The following MAGI2 variants were observed in gnomAD, a reference collection of about 807,000 sequenced individuals.
MAGI2 encodes the protein membrane associated guanylate kinase, WW and PDZ domain containing 2.
MAGI2 carries 35 observed loss-of-function variants against 133.3 expected under a neutral mutation model. The ratio of observed to expected loss-of-function variants is 0.26; its 90% CI spans 0.20 to 0.35. The LOEUF is 0.35. Among genes scored for constraint, MAGI2 ranks in the 10% least tolerant of loss-of-function variants. The pLI is 1.00. For synonymous variants in MAGI2, 729 were observed against 710.6 expected, an observed-to-expected ratio of 1.03 and a Z score of -0.41; for missense variants, 1,636 against 1,863.4, an observed-to-expected ratio of 0.88 and a Z score of 2.25.
intron 2 of MAGI2, among the ~76,000 whole-genome samples, chr7:78,862,076 T>C (rs1213359558): frequency 2.6e-5 from 4 of 152,268 alleles, no homozygotes; most frequent in Admixed American, 6.5e-5. Context: ...GTGCCACATA[T>C]ATTACTGTTT....
intron 3 of MAGI2, among the ~76,000 whole-genome samples, chr7:78,611,961 C>T (rs971821164): frequency 1.3e-5 from 2 of 152,188 alleles, no homozygotes; most frequent in Non-Finnish European, 2.9e-5. Flanking sequence ...TCCAGCTTCT[C>T]ATCCTTCTGT....
At chr7:78,583,951 C>T (rs1158736361) in intron 3 of MAGI2, among the ~76,000 whole-genome samples, 1 of 152,154 alleles carries the variant, frequency 6.6e-6, no homozygotes, top group Non-Finnish European at 1.5e-5. Context: ...GCATTGAGCT[C>T]AAATACCCTT....
chr7:78,756,618 C>T (rs1371637866), intron 2 of MAGI2, among the ~76,000 whole-genome samples: 1 of 152,010 alleles, frequency 6.6e-6, no homozygotes, highest in African/African-American at 2.4e-5. Flanking sequence ...CATCATGGTA[C>T]CTAAGAGTAT....
chr7:79,433,318 G>A (rs1034604129), intron 1 of MAGI2, among the ~76,000 whole-genome samples: 2 of 152,054 alleles, frequency 1.3e-5, no homozygotes, highest in Admixed American at 1.3e-4. Flanking sequence ...TTGGGAGGCC[G>A]AGGCGGATGG....
intron 1 of MAGI2, among the ~76,000 whole-genome samples, chr7:79,338,476 T>C (rs1486320729): frequency 6.6e-6 from 1 of 152,094 alleles, no homozygotes; most frequent in Non-Finnish European, 1.5e-5. Context: ...ACATGTGTAT[T>C]TCCGACCAGC....
intron 1 of MAGI2, among the ~76,000 whole-genome samples, chr7:79,133,413 T>C (rs1358711459): frequency 1.3e-5 from 2 of 152,190 alleles, no homozygotes; most frequent in Non-Finnish European, 2.9e-5. Flanking sequence ...AGTGTGTCCT[T>C]TCCCTAATTT....
At chr7:78,443,379 C>A (rs1223818012) in intron 6 of MAGI2, among the ~76,000 whole-genome samples, 1 of 152,072 alleles carries the variant, frequency 6.6e-6, no homozygotes, top group Non-Finnish European at 1.5e-5. Context: ...CGAAACCCTG[C>A]TTCTGAGTTA....
At chr7:78,440,107 A>G (rs920132620) in intron 6 of MAGI2, among the ~76,000 whole-genome samples, 2 of 152,046 alleles carry the variant, frequency 1.3e-5, no homozygotes, top group Non-Finnish European at 2.9e-5. Context: ...TTAAAGTTAC[A>G]TTTAAATGTA....
intron 2 of MAGI2, among the ~76,000 whole-genome samples, chr7:78,785,627 G>T (rs151028917): frequency 0.013 from 1,939 of 151,972 alleles, 40 homozygotes; most frequent in African/African-American, 0.042. Context: ...TTCTCTCACG[G>T]TTATATCTTT....
At chr7:78,472,225 A>C (rs767917558) in intron 6 of MAGI2, among the ~76,000 whole-genome samples, 10 of 152,104 alleles carry the variant, frequency 6.6e-5, no homozygotes, top group Non-Finnish European at 1.3e-4. Flanking sequence ...TTATTTTTCC[A>C]ATCTGTATTA....
intron 3 of MAGI2, among the ~76,000 whole-genome samples, chr7:78,621,744 T>G (rs1402083912): frequency 6.6e-6 from 1 of 151,974 alleles, no homozygotes; most frequent in Non-Finnish European, 1.5e-5. Flanking sequence ...AACAAGGACT[T>G]TAAGTTAATT....
chr7:78,819,605 G>C (rs1789910416), intron 2 of MAGI2, among the ~76,000 whole-genome samples: 1 of 152,020 alleles, frequency 6.6e-6, no homozygotes, highest in Admixed American at 6.6e-5. Flanking sequence ...GTATTAGAGA[G>C]AGACAGAGGG....
intron 1 of MAGI2, among the ~76,000 whole-genome samples, chr7:79,294,177 C>CA (rs61385536): frequency 0.022 from 1,447 of 64,648 alleles, 16 homozygotes; most frequent in African/African-American, 0.032. Flanking sequence ...GACTCCGTCT[C>CA]AAAAAAAAAA....
intron 10 of MAGI2, among the ~76,000 whole-genome samples, chr7:78,246,501 T>G (rs1425950941): frequency 6.6e-6 from 1 of 152,040 alleles, no homozygotes; most frequent in Non-Finnish European, 1.5e-5. Flanking sequence ...GCAAAACAAC[T>G]AGTACCCTCC....
rs1446228601 is a variant in MAGI2, at chr7:79,407,267, C to T, written c.301+45753G>A. Among the ~76,000 whole-genome samples the T allele has an allele frequency of 3.9e-5, 6 of 152,228 alleles. No individual in the cohort carries two copies. The South Asian group carries it at 1.2e-3, about 32-fold the overall frequency. On this transcript the variant is annotated intron_variant, in intron 1 of 21. Transcript: ENST00000354212. Reference sequence around the variant, plus strand: ...AGTAAAGATAAATCTTGGAGTGAAACTGGCATCTGAACTGCCACGTTAAAG... The same window carrying T: ...AGTAAAGATAAATCTTGGAGTGAAATTGGCATCTGAACTGCCACGTTAAAG...
intron 2 of MAGI2, among the ~76,000 whole-genome samples, chr7:78,994,323 A>G (rs1806078270): frequency 6.6e-6 from 1 of 152,086 alleles, no homozygotes. Flanking sequence ...TGAGAATGAG[A>G]GGAGACATGC....
chr7:78,618,806 A>C (rs767713703), intron 3 of MAGI2: 8 of 151,824 alleles, frequency 5.3e-5, no homozygotes, highest in Non-Finnish European at 1.2e-4. Flanking sequence ...TTACATCTGG[A>C]ATCAAAAAAA....
At chr7:78,508,122 C>A (rs1234491527) in intron 4 of MAGI2, among the ~76,000 whole-genome samples, 1 of 152,142 alleles carries the variant, frequency 6.6e-6, no homozygotes, top group African/African-American at 2.4e-5. Flanking sequence ...CCAATTTCTT[C>A]TTTTTATAAG....
chr7:78,166,360 TAAAAATTACTCTGCGGGG>T (rs983790452), intron 15 of MAGI2, among the ~76,000 whole-genome samples: 4 of 152,208 alleles, frequency 2.6e-5, no homozygotes, highest in African/African-American at 9.7e-5. Context: ...AACTTTTTAT[TAAAAATTACTCTGCGGGG>T]AGAGAGACAG....
Sources: allele counts gnomAD v4.1 joint callset (sites outside exome capture counted in the v4.1 genomes callset), GRCh38; gene constraint gnomAD v4.1.1; transcripts MANE v1.5; gene names NCBI Gene and HGNC (gene_info 2026-07-23, HGNC 2026-07-21).